The following TASP1 variants were observed in gnomAD, a reference collection of about 807,000 sequenced individuals.
The protein encoded by TASP1 is taspase 1.
In TASP1, 16 loss-of-function variants were observed where a neutral mutation model predicts 56.6. The ratio of observed to expected loss-of-function variants is 0.28; its 90% confidence interval spans 0.19 to 0.43. The LOEUF (loss-of-function observed/expected upper bound fraction) is 0.43. TASP1 is among the 20% of genes least tolerant of loss of function. The pLI, the probability that TASP1 is intolerant of heterozygous loss-of-function variation, is 1.00. For synonymous variants in TASP1, 179 were observed against 184.2 expected (o/e 0.97, Z 0.23); for missense variants, 393 against 511.6 (o/e 0.77, Z 2.24).
the TASP1 span, among the ~76,000 whole-genome samples, chr20:13,309,273 C>T: frequency 6.6e-6 from 1 of 150,720 alleles, no homozygotes; most frequent in Admixed American, 6.6e-5. Context: ...TTAGAGGTAA[C>T]ATTTTATTTC....
At chr20:13,210,076 T>C in the TASP1 span, among the ~76,000 whole-genome samples, 2 of 152,214 alleles carry the variant, frequency 1.3e-5, no homozygotes, top group African/African-American at 4.8e-5. Flanking sequence ...TTGAATTTCA[T>C]ATAAATGGAA....
In TASP1 at chr20:13,390,421, A is replaced by C. The variant is rs1450384398; in HGVS notation, c.1202T>G (p.Val401Gly). Residue 401 changes from valine (V) to glycine (G), a missense_variant, in exon 14 of 14, where the codon GTG becomes GGG. Transcript: ENST00000337743. The part of the protein sequence containing the change: ...THISRLPPGA[V>G]AGQSVAIEGG... ...TTCGATTGCCACAGACTGTCCTGCC[A>C]CCGCACCAGGAGGAAGTCTTGAAAT... The C allele has an allele frequency of 6.2e-7, 1 of 1,613,972 alleles. No homozygotes were observed. The highest frequency in any genetic ancestry group is 2.2e-5 in the East Asian group (1 of 44,870).
chr20:13,127,673 A>T, the TASP1 span, among the ~76,000 whole-genome samples: 2 of 152,196 alleles, frequency 1.3e-5, no homozygotes, highest in Non-Finnish European at 2.9e-5. Flanking sequence ...CCCCATACTG[A>T]TACCCCCTGG....
At chr20:13,571,601 G>C (rs552785694) in intron 6 of TASP1, among the ~76,000 whole-genome samples, 4 of 152,194 alleles carry the variant, frequency 2.6e-5, no homozygotes, top group Admixed American at 6.5e-5. Context: ...TTTTATGCTT[G>C]CCTTGCCCTG....
At chr20:13,421,576 A>C (rs1302103016) in intron 12 of TASP1, among the ~76,000 whole-genome samples, 1 of 152,220 alleles carries the variant, frequency 6.6e-6, no homozygotes, top group East Asian at 1.9e-4. Flanking sequence ...AATGGCTCTA[A>C]AACATATGAA....
At chr20:13,150,012 A>C in the TASP1 span, among the ~76,000 whole-genome samples, 2 of 152,192 alleles carry the variant, frequency 1.3e-5, no homozygotes, top group Non-Finnish European at 2.9e-5. Context: ...TTGTGTAGCT[A>C]ATGATCCGCA....
the TASP1 span, chr20:13,164,460 T>C: frequency 1.9e-6 from 1 of 519,252 alleles, no homozygotes; most frequent in Non-Finnish European, 3.8e-6. Context: ...AAATAAAACC[T>C]TTTAAGGGTA....
chr20:13,472,358 T>C (rs551200540), intron 11 of TASP1, among the ~76,000 whole-genome samples: 1 of 151,220 alleles, frequency 6.6e-6, no homozygotes, highest in South Asian at 2.1e-4. Flanking sequence ...GACTTAAATG[T>C]TAGACCTGAA....
At chr20:13,634,580 AT>A (rs2147623191) in intron 1 of TASP1, among the ~76,000 whole-genome samples, 1 of 152,252 alleles carries the variant, frequency 6.6e-6, no homozygotes, top group East Asian at 1.9e-4. Context: ...AAATACAAAA[AT>A]TAGCTGGGTG....
At chr20:13,207,901 C>A in the TASP1 span, among the ~76,000 whole-genome samples, 47 of 151,894 alleles carry the variant, frequency 3.1e-4, no homozygotes, top group African/African-American at 1.1e-3. Flanking sequence ...GGCAGAGAAA[C>A]ACTCCACGGG....
chr20:13,528,509 A>T lies in TASP1; in HGVS notation c.798T>A (p.Ala266=). 1.9e-6 allele frequency: 3 copies of T among 1,607,448 alleles called. No homozygotes were observed. In the South Asian group the frequency reaches 3.4e-5, roughly 18 times the overall value. The change falls in exon 10 of 14, where the codon GCT becomes GCA. Residue 266 remains alanine, a splice_region_variant and synonymous_variant. Transcript: ENST00000337743. ...CCCAGCAGCCACATCCATAAAGAGC[A>T]GCCTGGGGAAAAAAGAAAATAGATA... ...ALKHPGRVGQ[A]ALYGCGCWAE... is the part of the protein sequence containing the mutation.
At chr20:13,449,943 C>T (rs1017043594) in intron 11 of TASP1, among the ~76,000 whole-genome samples, 6 of 152,082 alleles carry the variant, frequency 3.9e-5, no homozygotes, top group African/African-American at 1.4e-4. Context: ...TTGCATCTCA[C>T]TTGAATGTAC....
the TASP1 span, among the ~76,000 whole-genome samples, chr20:13,184,612 C>T: frequency 1.3e-5 from 2 of 152,116 alleles, no homozygotes; most frequent in South Asian, 4.1e-4. Flanking sequence ...TTGTCATGGA[C>T]TTATGGGCAT....
At chr20:13,439,400 G>C (rs1033083227) in intron 11 of TASP1, among the ~76,000 whole-genome samples, 2 of 152,030 alleles carry the variant, frequency 1.3e-5, no homozygotes, top group Non-Finnish European at 2.9e-5. Flanking sequence ...GCAAACTATC[G>C]CAAGGACAAA....
chr20:13,256,124 G>A, the TASP1 span, among the ~76,000 whole-genome samples: 3 of 152,038 alleles, frequency 2.0e-5, no homozygotes, highest in African/African-American at 7.2e-5. Flanking sequence ...GGACAGGCGT[G>A]GTGGCTCATG....
chr20:13,537,240 T>C (rs922679095), intron 8 of TASP1, among the ~76,000 whole-genome samples: 2 of 152,174 alleles, frequency 1.3e-5, no homozygotes, highest in African/African-American at 4.8e-5. Context: ...ATGGATTTAC[T>C]GTAACTTCGT....
At chr20:13,344,705 C>T in the TASP1 span, among the ~76,000 whole-genome samples, 6 of 152,302 alleles carry the variant, frequency 3.9e-5, no homozygotes, top group Admixed American at 6.5e-5. Context: ...CCAAGTTCCC[C>T]GGCATCCTTT....
At chr20:13,277,115 T>C in the TASP1 span, among the ~76,000 whole-genome samples, 2 of 152,130 alleles carry the variant, frequency 1.3e-5, no homozygotes, top group African/African-American at 4.8e-5. Flanking sequence ...ACAAGTCTAT[T>C]TTGTTTGGAT....
chr20:13,122,046 C>T, the TASP1 span, among the ~76,000 whole-genome samples: 1 of 152,182 alleles, frequency 6.6e-6, no homozygotes, highest in Non-Finnish European at 1.5e-5. Context: ...AGCTAAGAGA[C>T]AATTGCTACA....
Sources: allele counts gnomAD v4.1 joint callset (sites outside exome capture counted in the v4.1 genomes callset), GRCh38; gene constraint gnomAD v4.1.1; transcripts MANE v1.5; gene names NCBI Gene and HGNC (gene_info 2026-07-23, HGNC 2026-07-21).